DNM3: variants seen among roughly 807,000 people sequenced by gnomAD.
DNM3 encodes dynamin 3, also known as dynamin-3.
A neutral mutation model predicts 101.6 loss-of-function variants in DNM3; 47 were observed. That is an observed-to-expected ratio of 0.46 (90% CI 0.37 to 0.59). DNM3 has a LOEUF of 0.59. DNM3 is among the 20% of genes least tolerant of loss of function. The probability of loss-of-function intolerance (pLI) is 0.00; values close to 1 mark genes in which losing one functional copy is unlikely to be tolerated. For missense variants in DNM3, 849 were observed against 1,085.7 expected, an observed-to-expected ratio of 0.78 and a Z score of 3.06; for synonymous variants, 385 against 387.9, an observed-to-expected ratio of 0.99 and a Z score of 0.09.
rs191101929 is a variant in DNM3 at position 172,098,123 on chromosome 1, C to T, written c.1545+5248C>T. 1.4e-4 allele frequency among the ~76,000 whole-genome samples: 21 copies of T among 152,154 alleles called. No individual in the cohort carries two copies. The East Asian group carries it at 3.3e-3, about 24-fold the overall frequency. ...GAGACAGGGTTTGAGAGCAGACAAC[C>T]GGTCTGACCAAAATTTATTAGGTGG... On this transcript the variant is annotated intron_variant, in intron 13 of 20. Transcript: ENST00000627582.
chr1:172,126,550 A>C (rs1243689675), intron 13 of DNM3, among the ~76,000 whole-genome samples: 4 of 152,222 alleles, frequency 2.6e-5, no homozygotes, highest in Non-Finnish European at 5.9e-5. Flanking sequence ...ACTGGACTAA[A>C]TGATGTTTAA....
rs1054834202 is a variant in DNM3 at position 172,061,284 on chromosome 1, G to A, written c.1336-7535G>A. Among the ~76,000 whole-genome samples, 651 of 146,436 alleles carry A rather than the reference G, an allele frequency of 4.4e-3. 13 individuals carry two copies. The highest frequency in any genetic ancestry group is 0.016 in the African/African-American group (628 of 38,914). ...ACTAGTTCAACCATTGTGGAAGTCAGTGTGGCGATTCCTCAGGGATCTAGA... is the reference window on the plus strand; with the variant it reads ...ACTAGTTCAACCATTGTGGAAGTCAATGTGGCGATTCCTCAGGGATCTAGA... On this transcript the variant is annotated intron_variant, in intron 10 of 20. Coordinates refer to ENST00000627582, the MANE Select transcript of DNM3 (RefSeq NM_015569.5).
chr1:171,991,121 A>G (rs543418518), intron 4 of DNM3, among the ~76,000 whole-genome samples: 1 of 152,110 alleles, frequency 6.6e-6, no homozygotes, highest in Non-Finnish European at 1.5e-5. Context: ...TTCTCCTACT[A>G]TATTCTCAAA....
chr1:171,956,624 G>T (rs1046177506), intron 2 of DNM3, among the ~76,000 whole-genome samples: 1 of 152,130 alleles, frequency 6.6e-6, no homozygotes, highest in Non-Finnish European at 1.5e-5. Context: ...GGTGGATGGT[G>T]ACCCTCTTCT....
chr1:172,129,275 C>T (rs2761186), intron 13 of DNM3, among the ~76,000 whole-genome samples: 8,923 of 152,168 alleles, frequency 0.059, 319 homozygotes, highest in Middle Eastern at 0.13. Context: ...TGTGCATGCA[C>T]GGGCTTCAAG....
chr1:172,140,833 T>C (rs2057537738), intron 14 of DNM3, among the ~76,000 whole-genome samples: 1 of 152,044 alleles, frequency 6.6e-6, no homozygotes, highest in African/African-American at 2.4e-5. Context: ...GCACACTTCA[T>C]TGTTATGTTG....
chr1:172,250,845 T>C (rs2062140542), intron 14 of DNM3, among the ~76,000 whole-genome samples: 1 of 152,096 alleles, frequency 6.6e-6, no homozygotes, highest in South Asian at 2.1e-4. Context: ...ATGGGGTATT[T>C]AGTGCTATCA....
At chr1:172,159,439 A>G (rs1022959706) in intron 14 of DNM3, among the ~76,000 whole-genome samples, 3 of 152,088 alleles carry the variant, frequency 2.0e-5, no homozygotes, top group Non-Finnish European at 4.4e-5. Flanking sequence ...ACTTATTTTC[A>G]TATGGATTGG....
rs71561599 is a variant in DNM3, at chr1:171,942,201, A to ATTTTTTT, written c.235+20397_235+20403dup. On this transcript the variant is annotated intron_variant, in intron 2 of 20. Coordinates refer to ENST00000627582, the MANE Select transcript of DNM3 (RefSeq NM_015569.5). ...AATGTTTTTAAATGCTGCTCACTTG[A>ATTTTTTT]TTTTTTTTTTTTTTTTTTTTTTTAT... 5.2e-3 allele frequency among the ~76,000 whole-genome samples: 534 copies of ATTTTTTT among 103,548 alleles called. 17 individuals are homozygous for ATTTTTTT. The highest frequency in any genetic ancestry group is 0.019 in the African/African-American group (507 of 26,800). 67.9% of individuals were successfully genotyped at this position (103,548 alleles called of 152,430 possible).
intron 17 of DNM3, among the ~76,000 whole-genome samples, chr1:172,372,484 T>C (rs1355088748): frequency 6.6e-6 from 1 of 151,964 alleles, no homozygotes; most frequent in East Asian, 1.9e-4. Flanking sequence ...TATGCTACCT[T>C]AAGCCATATG....
At chr1:172,378,893 G>C in intron 17 of DNM3, 125 bp from the exon 18 acceptor site, 1 of 1,087,602 alleles carries the variant, frequency 9.2e-7, no homozygotes, top group South Asian at 1.9e-5. Flanking sequence ...AGATAAAAAT[G>C]TTACCATCTA....
rs1373015664 is a variant in DNM3, at chr1:172,172,932, G to A, written c.1659+41644G>A. 2.6e-5 allele frequency among the ~76,000 whole-genome samples: 4 copies of A among 151,976 alleles called. No homozygotes were observed. In the East Asian group the frequency reaches 7.8e-4, roughly 29 times the overall value. ...AACTTGGCATTTTTAACCATTGTTG[G>A]CCTTTTAACCTCTTTTAGTAATTCT... On this transcript the variant is annotated intron_variant, in intron 14 of 20. Transcript: ENST00000627582.
At chr1:172,304,218 A>AAAAAAAAAAAAAAAAAAAAAAAC (rs1182798546) in intron 15 of DNM3, among the ~76,000 whole-genome samples, 2 of 135,042 alleles carry the variant, frequency 1.5e-5, no homozygotes, top group African/African-American at 6.7e-5. Context: ...AAAAAAAAAA[A>AAAAAAAAAAAAAAAAAAAAAAAC]AAAACAGGAG....
chr1:172,047,013 A>C (rs1320421540), intron 9 of DNM3, among the ~76,000 whole-genome samples: 1 of 126,832 alleles, frequency 7.9e-6, no homozygotes, highest in Non-Finnish European at 1.6e-5. Context: ...GTTGGTGGTT[A>C]TTATATGCCT....
At position 172,382,710 on chromosome 1, in the gene DNM3, C is replaced by T. The variant is rs551181945; in HGVS notation, c.2058+3528C>T. On this transcript the variant is annotated intron_variant, in intron 18 of 20. Coordinates refer to ENST00000627582, the MANE Select transcript of DNM3 (RefSeq NM_015569.5). ...TTATTTTCCCAGACAGTTAATTTTA[C>T]TTGAAGATTTAATTAGGATTTGTTT... 2.0e-5 allele frequency among the ~76,000 whole-genome samples: 3 copies of T among 152,276 alleles called. No homozygotes were observed. The South Asian group carries it at 6.2e-4, about 32-fold the overall frequency.
chr1:172,329,814 G>C (rs919790992), intron 17 of DNM3, among the ~76,000 whole-genome samples: 5 of 152,012 alleles, frequency 3.3e-5, no homozygotes, highest in Non-Finnish European at 4.4e-5. Context: ...AAAAGGAAGG[G>C]GGCCAAATCA....
intron 2 of DNM3, among the ~76,000 whole-genome samples, chr1:171,953,789 T>C (rs2042683935): frequency 6.6e-6 from 1 of 152,168 alleles, no homozygotes; most frequent in African/African-American, 2.4e-5. Flanking sequence ...AACTGAAGGA[T>C]TTCTAGTAGA....
chr1:172,292,601 T>TCACACACACA (rs3079013), intron 15 of DNM3, among the ~76,000 whole-genome samples: 22,314 of 148,568 alleles, frequency 0.15, 1,737 homozygotes, highest in Non-Finnish European at 0.18. Flanking sequence ...ATAGAAGACT[T>TCACACACACA]CACACACACA....
At chr1:172,173,886 T>C (rs2059057853) in intron 14 of DNM3, among the ~76,000 whole-genome samples, 1 of 151,624 alleles carries the variant, frequency 6.6e-6, no homozygotes, top group Admixed American at 6.6e-5. Context: ...GCTTAAGTCT[T>C]CTGGATCATA....
Sources: allele counts gnomAD v4.1 joint callset (sites outside exome capture counted in the v4.1 genomes callset), GRCh38; gene constraint gnomAD v4.1.1; transcripts MANE v1.5; gene names NCBI Gene and HGNC (gene_info 2026-07-23, HGNC 2026-07-21).